Variants in GLRA2 observed in about 807,000 individuals in gnomAD.
GLRA2 encodes the protein glycine receptor alpha 2.
In GLRA2, 11 loss-of-function variants were observed where a neutral mutation model predicts 31.6. That is an observed-to-expected ratio of 0.35 (90% CI 0.22 to 0.58). The LOEUF is 0.58. Among genes scored for constraint, GLRA2 ranks in the 20% least tolerant of loss-of-function variants. The probability of loss-of-function intolerance (pLI) is 0.84; values close to 1 mark genes in which losing one functional copy is unlikely to be tolerated. For missense variants in GLRA2, 212 were observed against 351.8 expected, an observed-to-expected ratio of 0.60 and a Z score of 3.18; for synonymous variants, 132 against 134.0, an observed-to-expected ratio of 0.99 and a Z score of 0.10.
chrX:14,679,771 C>T (rs1226274103), intron 7 of GLRA2, among the ~76,000 whole-genome samples: 1 of 111,875 alleles, frequency 8.9e-6, no homozygotes, highest in African/African-American at 3.3e-5. Flanking sequence ...ATTTTTCCAT[C>T]GATATTAACC....
intron 2 of GLRA2, among the ~76,000 whole-genome samples, chrX:14,558,457 A>T (rs1265572302): frequency 8.9e-6 from 1 of 111,993 alleles, no homozygotes; most frequent in Non-Finnish European, 1.9e-5. Flanking sequence ...CATACTTCAA[A>T]TATATCTTTA....
upstream of GLRA2, among the ~76,000 whole-genome samples, chrX:14,527,718 T>C (rs763016155): frequency 1.8e-5 from 2 of 112,353 alleles, no homozygotes; most frequent in South Asian, 7.3e-4. Context: ...TTATACCTAA[T>C]TTTCTTTTGG....
At chrX:14,691,220 A>G (rs773616683) in intron 8 of GLRA2, among the ~76,000 whole-genome samples, 2 of 110,861 alleles carry the variant, frequency 1.8e-5, no homozygotes, top group Non-Finnish European at 3.8e-5. Context: ...TTGGGGATAT[A>G]TACTTGATTT....
intron 8 of GLRA2, among the ~76,000 whole-genome samples, chrX:14,710,418 G>A (rs1385405219): frequency 3.6e-5 from 4 of 111,857 alleles, no homozygotes; most frequent in Non-Finnish European, 7.5e-5. Context: ...AACACCATGT[G>A]TCAGCCTCTA....
chrX:14,457,898 A>C, the GLRA2 span, among the ~76,000 whole-genome samples: 1 of 109,595 alleles, frequency 9.1e-6, no homozygotes, highest in African/African-American at 3.3e-5. Context: ...TTATACTTTA[A>C]GTTTTAGGGT....
At chrX:14,457,111 T>A in the GLRA2 span, among the ~76,000 whole-genome samples, 2 of 112,297 alleles carry the variant, frequency 1.8e-5, no homozygotes, top group Non-Finnish European at 3.8e-5. Context: ...TGATGATTAG[T>A]GATGTTGAGC....
At chrX:14,590,263 G>T (rs2090132061) in intron 4 of GLRA2, among the ~76,000 whole-genome samples, 1 of 110,979 alleles carries the variant, frequency 9.0e-6, no homozygotes, top group African/African-American at 3.3e-5. Context: ...AACTCTTGGG[G>T]ATTGACACGC....
chrX:14,519,032 AAAG>A, the GLRA2 span, among the ~76,000 whole-genome samples: 94 of 106,548 alleles, frequency 8.8e-4, no homozygotes, highest in African/African-American at 2.9e-3. Flanking sequence ...AAAAAAAAAA[AAAG>A]GAGATCAGGT....
At chrX:14,698,426 C>T (rs1197354203) in intron 8 of GLRA2, among the ~76,000 whole-genome samples, 1 of 109,413 alleles carries the variant, frequency 9.1e-6, no homozygotes, top group Admixed American at 9.8e-5. Flanking sequence ...CACTTGTAAT[C>T]CCAGCACTTT....
At position 14,731,394 on chromosome X, in the gene GLRA2, T is replaced by C. The variant is rs1482707879; in HGVS notation, c.*909T>C. 8.9e-6 allele frequency: 1 copy of C among 111,968 alleles called. No individual in the cohort carries two copies. The highest frequency in any genetic ancestry group is 1.9e-5 in the Non-Finnish European group (1 of 53,219). The allele number at this position is 111,968 out of a possible 1,213,427, so 9.2% of individuals were successfully genotyped here. Reference sequence around the variant, plus strand: ...TAATCGCCCAACTGTGACTAGTCATTGCAGCTACTCAGCTACAGTATTTAT... The same window carrying C: ...TAATCGCCCAACTGTGACTAGTCATCGCAGCTACTCAGCTACAGTATTTAT... On this transcript the variant is annotated 3_prime_UTR_variant, in exon 9 of 9. Transcript: ENST00000218075.
intron 1 of GLRA2, chrX:14,531,285 G>C (rs1238117587): frequency 2.9e-6 from 1 of 346,123 alleles, no homozygotes; most frequent in Non-Finnish European, 4.9e-6. Flanking sequence ...GCAAGAATGT[G>C]GTATTTTCTT....
rs188190861 is a variant in GLRA2 at position 14,588,723 on chromosome X, T to A, written c.494+7317T>A. ...CTTCAAATGTATGAGCATGGGTTGTTTTTCCATTTAGTTGTGTCGTCTCTG... is the reference window on the plus strand; with the variant it reads ...CTTCAAATGTATGAGCATGGGTTGTATTTCCATTTAGTTGTGTCGTCTCTG... On this transcript the variant is annotated intron_variant, in intron 4 of 8. Coordinates refer to ENST00000218075, the MANE Select transcript of GLRA2 (RefSeq NM_002063.4). 2.2e-4 allele frequency among the ~76,000 whole-genome samples: 25 copies of A among 112,195 alleles called. No individual in the cohort carries two copies. In the Admixed American group the frequency reaches 2.3e-3, roughly 10 times the overall value.
chrX:14,558,044 A>G (rs772029044), intron 2 of GLRA2, among the ~76,000 whole-genome samples: 1 of 112,022 alleles, frequency 8.9e-6, no homozygotes, highest in African/African-American at 3.2e-5. Context: ...CAAAGTTTAC[A>G]GAGAAAAGAG....
At chrX:14,556,749 C>T (rs1224945997) in intron 2 of GLRA2, among the ~76,000 whole-genome samples, 1 of 112,083 alleles carries the variant, frequency 8.9e-6, no homozygotes, top group African/African-American at 3.2e-5. Context: ...AAAATGCCCT[C>T]TCTGTGATGC....
chrX:14,627,156 C>T (rs977382024), intron 7 of GLRA2, among the ~76,000 whole-genome samples: 4 of 111,268 alleles, frequency 3.6e-5, no homozygotes, highest in African/African-American at 1.3e-4. Flanking sequence ...CGGATTGCAA[C>T]AATAATGAAT....
intron 7 of GLRA2, among the ~76,000 whole-genome samples, chrX:14,615,917 G>A (rs758661721): frequency 3.6e-5 from 4 of 111,228 alleles, no homozygotes; most frequent in African/African-American, 1.3e-4. Flanking sequence ...CTAAATACAG[G>A]AAAATCAAAT....
chrX:14,452,444 G>A, the GLRA2 span, among the ~76,000 whole-genome samples: 1 of 112,431 alleles, frequency 8.9e-6, no homozygotes, highest in Non-Finnish European at 1.9e-5. Context: ...CCACTGCACA[G>A]GCATTCTTGC....
At chrX:14,594,475 G>C (rs1227156692) in intron 4 of GLRA2, among the ~76,000 whole-genome samples, 1 of 111,576 alleles carries the variant, frequency 9.0e-6, no homozygotes, top group Non-Finnish European at 1.9e-5. Context: ...AAATGACTTT[G>C]AAATGTAAAA....
chrX:14,556,970 A>G (rs1259533054), intron 2 of GLRA2, among the ~76,000 whole-genome samples: 1 of 111,473 alleles, frequency 9.0e-6, no homozygotes, highest in African/African-American at 3.3e-5. Flanking sequence ...TTGATTTAAT[A>G]AGCGACTGAG....
Sources: gnomAD v4.1 joint callset for allele counts (sites outside exome capture counted in the v4.1 genomes callset) on GRCh38, gnomAD v4.1.1 for gene constraint, MANE v1.5 for transcripts, NCBI Gene and HGNC (gene_info 2026-07-23, HGNC 2026-07-21) for gene names.